The following SORCS1 variants were observed in gnomAD, a reference collection of about 807,000 sequenced individuals.
The protein encoded by SORCS1 is VPS10 domain-containing receptor SorCS1.
Under a neutral mutation model 146.1 loss-of-function variants are expected in SORCS1, and 60 were observed. The ratio of observed to expected loss-of-function variants is 0.41; its 90% CI spans 0.33 to 0.51. The LOEUF (loss-of-function observed/expected upper bound fraction) is 0.51. Ranked by LOEUF, SORCS1 falls within the 20% of genes least tolerant of loss-of-function variation. SORCS1 has a pLI of 0.21. For synonymous variants in SORCS1, 637 were observed against 584.0 expected, an observed-to-expected ratio of 1.09 and a Z score of -1.31; for missense variants, 1,352 against 1,487.6, an observed-to-expected ratio of 0.91 and a Z score of 1.50.
rs545273116 is a variant in SORCS1, at chr10:106,851,059, C to T, written c.627-21386G>A. On this transcript the variant is annotated intron_variant, in intron 2 of 25. Coordinates refer to ENST00000263054, the MANE Select transcript of SORCS1 (RefSeq NM_052918.5). ...CTACCTTAATCCTAGCCACCTGCAC[C>T]AGCTAGCTTGAAACCTACTGAATTT... is the stretch of plus-strand genomic sequence containing the variant. Among the ~76,000 whole-genome samples, 14 of 152,322 alleles carry T rather than the reference C, an allele frequency of 9.2e-5. No homozygotes were observed. In the East Asian group the frequency reaches 2.3e-3, roughly 25 times the overall value.
intron 3 of SORCS1, among the ~76,000 whole-genome samples, chr10:106,779,217 G>C (rs571010919): frequency 1.2e-4 from 18 of 152,236 alleles, no homozygotes; most frequent in African/African-American, 4.3e-4. Context: ...GAAATAATGG[G>C]AAATAGAAAT....
intron 3 of SORCS1, among the ~76,000 whole-genome samples, chr10:106,801,040 C>T (rs1250056106): frequency 1.3e-5 from 2 of 152,114 alleles, no homozygotes; most frequent in African/African-American, 2.4e-5. Flanking sequence ...AACCTTTCAT[C>T]GTCTTTAGTT....
rs147930458 is a variant in SORCS1 at position 106,955,780 on chromosome 10, C to T, written c.626+733G>A. 2.3e-3 allele frequency among the ~76,000 whole-genome samples: 352 copies of T among 151,838 alleles called. 1 individual carries two copies. Among genetic ancestry groups the T allele is most frequent in the African/African-American group, 7.5e-3 (312 of 41,396 alleles). The stretch of plus-strand genomic sequence containing the variant: ...GGCCAGCCGGCAGATCACCTGAGGT[C>T]GGAAGTTCAAGATCAGCCTCACCAA... On this transcript the variant is annotated intron_variant, in intron 2 of 25. Coordinates refer to ENST00000263054, the MANE Select transcript of SORCS1 (RefSeq NM_052918.5).
intron 1 of SORCS1, among the ~76,000 whole-genome samples, chr10:107,111,485 A>G (rs141715948): frequency 2.5e-4 from 38 of 152,314 alleles, no homozygotes; most frequent in African/African-American, 8.9e-4. Flanking sequence ...TAATTAGTGA[A>G]TTCAAAGACA....
In SORCS1 at chr10:106,709,344, G is replaced by GAAAAAC. The variant is rs747607204; in HGVS notation, c.1025-9_1025-4dup. 2.6e-5 allele frequency: 41 copies of GAAAAAC among 1,602,654 alleles called. No individual in the cohort carries two copies. In the East Asian group the frequency reaches 3.1e-4, roughly 12 times the overall value. ...TCGGCAAGTTAGATAATGTGAATCT[G>GAAAAAC]AAAAACAAAAACAAAAACAAAAACA... On this transcript the variant is annotated splice_polypyrimidine_tract_variant and splice_region_variant and intron_variant, in intron 6 of 25. Transcript: ENST00000263054.
At chr10:106,786,451 T>G (rs368063513) in intron 3 of SORCS1, among the ~76,000 whole-genome samples, 10 of 152,188 alleles carry the variant, frequency 6.6e-5, no homozygotes, top group East Asian at 1.9e-4. Context: ...TTCATAATAG[T>G]TGAATTTCTT....
intron 2 of SORCS1, among the ~76,000 whole-genome samples, chr10:106,940,888 A>T (rs149255675): frequency 6.6e-6 from 1 of 152,238 alleles, no homozygotes; most frequent in African/African-American, 2.4e-5. Flanking sequence ...CCATCTCAAA[A>T]AATAATAATA....
intron 1 of SORCS1, among the ~76,000 whole-genome samples, chr10:106,966,913 T>A (rs1955520912): frequency 6.6e-6 from 1 of 152,070 alleles, no homozygotes; most frequent in African/African-American, 2.4e-5. Context: ...AAAATAAAAA[T>A]AAAAAATAAG....
At chr10:106,628,044 C>T (rs1387294654) in intron 19 of SORCS1, among the ~76,000 whole-genome samples, 1 of 152,174 alleles carries the variant, frequency 6.6e-6, no homozygotes, top group African/African-American at 2.4e-5. Context: ...AGCACAAAGT[C>T]TGGAACACAC....
intron 18 of SORCS1, among the ~76,000 whole-genome samples, chr10:106,641,040 T>C (rs1849040262): frequency 2.0e-5 from 3 of 152,226 alleles, no homozygotes; most frequent in African/African-American, 7.2e-5. Flanking sequence ...GGGATGGAAG[T>C]ACGACTGCTC....
rs140516942 is a variant in SORCS1 at position 106,688,226 on chromosome 10, G to A, written c.1526C>T (p.Thr509Met). The A allele has an allele frequency of 1.8e-3, 2,971 of 1,613,958 alleles. 49 individuals are homozygous for A. The African/African-American group carries it at 0.033, about 18-fold the overall frequency. Residue 509 changes from threonine (T) to methionine (M), a missense_variant, in exon 10 of 26, where the codon ACG (threonine) becomes ATG (methionine). By Grantham distance (81) the Thr-to-Met change is moderately conservative. Transcript: ENST00000263054. ...GTGCACGGGGTCCCCCCTTAGATCCGTGTCCGGCGCCTGCAGCAAACGCCA... is the reference window on the plus strand; with the variant it reads ...GTGCACGGGGTCCCCCCTTAGATCCATGTCCGGCGCCTGCAGCAAACGCCA... ...RDWRLLQAPDTDLRGDPVHCL... is the reference protein window; with the variant it reads ...RDWRLLQAPDMDLRGDPVHCL...
At chr10:106,985,678 A>G (rs978735863) in intron 1 of SORCS1, among the ~76,000 whole-genome samples, 3 of 151,546 alleles carry the variant, frequency 2.0e-5, no homozygotes, top group African/African-American at 4.9e-5. Context: ...CTGGGATTAC[A>G]GGCGCCCACC....
chr10:107,050,754 G>T (rs1960026714), intron 1 of SORCS1, among the ~76,000 whole-genome samples: 1 of 152,126 alleles, frequency 6.6e-6, no homozygotes, highest in Non-Finnish European at 1.5e-5. Flanking sequence ...AGAACCAAAA[G>T]TATCAACCAG....
intron 1 of SORCS1, among the ~76,000 whole-genome samples, chr10:107,052,373 G>A (rs1233246308): frequency 6.6e-6 from 1 of 152,114 alleles, no homozygotes; most frequent in African/African-American, 2.4e-5. Flanking sequence ...ATCACTCACT[G>A]CTTCTAAGAA....
At chr10:107,019,732 T>C (rs1334278685) in intron 1 of SORCS1, among the ~76,000 whole-genome samples, 1 of 152,272 alleles carries the variant, frequency 6.6e-6, no homozygotes, top group Admixed American at 6.5e-5. Context: ...TGTACATTTA[T>C]TTCCAACAGC....
At chr10:107,078,197 T>C (rs1457978496) in intron 1 of SORCS1, among the ~76,000 whole-genome samples, 1 of 152,218 alleles carries the variant, frequency 6.6e-6, no homozygotes, top group Non-Finnish European at 1.5e-5. Flanking sequence ...AATAAAAATA[T>C]TTTACTATAG....
rs546791413 is a variant in SORCS1 at position 106,891,248 on chromosome 10, T to C, written c.627-61575A>G. ...AAGCTGATGATTGGTCTGGAGGGGA[T>C]AGGAAGCTGTTTTTATAGTGCACCT... On this transcript the variant is annotated intron_variant, in intron 2 of 25. Transcript: ENST00000263054. Among the ~76,000 whole-genome samples the C allele has an allele frequency of 3.3e-5, 5 of 152,242 alleles. No individual in the cohort carries two copies. In the South Asian group the frequency reaches 8.3e-4, roughly 25 times the overall value.
In SORCS1 at chr10:107,044,512, TAAAAAA is replaced by T. The variant is rs59253149; in HGVS notation, c.559-87938_559-87933del. On this transcript the variant is annotated intron_variant, in intron 1 of 25. Coordinates refer to ENST00000263054, the MANE Select transcript of SORCS1 (RefSeq NM_052918.5). ...TTAAAAAATGTTTCATTCTAATTTG[TAAAAAA>T]AAAAAAAAAAAAAAAAAAAAGTTGG... Among the ~76,000 whole-genome samples the T allele has an allele frequency of 1.3e-4, 10 of 74,086 alleles. No homozygotes were observed. In the South Asian group the frequency reaches 2.4e-3, roughly 18 times the overall value. The allele number at this position is 74,086 out of a possible 152,430, so 48.6% of individuals were successfully genotyped here.
At position 106,883,299 on chromosome 10, in the gene SORCS1, C is replaced by A. The variant is rs149562491; in HGVS notation, c.627-53626G>T. ...ATGTTGTCAGGAATGTTAATAAAAT[C>A]TTCATAGATTTTTTCTTTTACCCTT... On this transcript the variant is annotated intron_variant, in intron 2 of 25. Transcript: ENST00000263054. Among the ~76,000 whole-genome samples the A allele has an allele frequency of 3.3e-5, 5 of 152,260 alleles. No individual in the cohort carries two copies. The East Asian group carries it at 9.7e-4, about 29-fold the overall frequency.
Sources: allele counts gnomAD v4.1 joint callset (sites outside exome capture counted in the v4.1 genomes callset), GRCh38; gene constraint gnomAD v4.1.1; transcripts MANE v1.5; gene names NCBI Gene and HGNC (gene_info 2026-07-23, HGNC 2026-07-21).